Variants in MBD2 observed in about 807,000 individuals in gnomAD.
MBD2 encodes methyl-CpG binding domain protein 2.
MBD2 carries 9 observed loss-of-function variants against 39.3 expected under a neutral mutation model. That is an observed-to-expected ratio of 0.23 (90% CI 0.14 to 0.40). The LOEUF is 0.40. Ranked by LOEUF, MBD2 falls within the 10% of genes least tolerant of loss-of-function variation. The probability of loss-of-function intolerance (pLI) is 1.00; values close to 1 mark genes in which losing one functional copy is unlikely to be tolerated. For synonymous variants in MBD2, 233 were observed against 211.1 expected, an observed-to-expected ratio of 1.10 and a Z score of -0.90; for missense variants, 458 against 532.6, an observed-to-expected ratio of 0.86 and a Z score of 1.38.
At chr18:54,155,605 A>G (rs1247512975) in intron 6 of MBD2, among the ~76,000 whole-genome samples, 1 of 152,232 alleles carries the variant, frequency 6.6e-6, no homozygotes, top group African/African-American at 2.4e-5. Context: ...TAACTACATC[A>G]GCATAAAAAG....
rs536840165 is a variant in MBD2, at chr18:54,188,071, G to A, written c.840+803C>T. On this transcript the variant is annotated intron_variant, in intron 3 of 6. Coordinates refer to ENST00000256429, the MANE Select transcript of MBD2 (RefSeq NM_003927.5). ...GTAAATCAGTGTTTCTAATCCTTAG[G>A]TGGACTCAGGTGGGAGGAGGCAGAG... Among the ~76,000 whole-genome samples the A allele has an allele frequency of 2.0e-3, 297 of 152,228 alleles. 1 individual carries two copies. Among genetic ancestry groups the A allele is most frequent in the Non-Finnish European group, 3.0e-3 (203 of 68,022 alleles).
intron 3 of MBD2, among the ~76,000 whole-genome samples, chr18:54,167,843 A>G (rs1435081595): frequency 6.6e-6 from 1 of 152,096 alleles, no homozygotes. Context: ...AGGTGGAGGT[A>G]ATAATTGATG....
intron 1 of MBD2, among the ~76,000 whole-genome samples, chr18:54,222,947 A>G (rs1201525640): frequency 3.3e-5 from 5 of 152,258 alleles, no homozygotes; most frequent in Non-Finnish European, 7.3e-5. Flanking sequence ...AGCTACTTGA[A>G]GAGGACAGGA....
In MBD2 at chr18:54,159,835, G is replaced by A. The variant is rs749272092; in HGVS notation, c.1178C>T (p.Ser393Leu). 10 of 1,612,668 alleles carry A rather than the reference G, an allele frequency of 6.2e-6. No individual in the cohort carries two copies. The highest frequency in any genetic ancestry group is 2.2e-5 in the East Asian group (1 of 44,870). Reference protein sequence around the residue: ...LEEALMADILSRAADTEEMDI... With the variant: ...LEEALMADILLRAADTEEMDI... ...CATCTCTTCTGTATCAGCAGCTCGC[G>A]ACAAGATGTCTGCCATCAGTGCTTC... The change falls in exon 6 of 7, where the codon TCG becomes TTG. Residue 393 changes from serine to leucine, a missense_variant. By Grantham distance (145) the Ser-to-Leu change is moderately radical (BLOSUM62 -2). This residue lies in a region of MBD2 where 189 missense variants were observed against 296.6 expected (regional missense o/e 0.64). Transcript: ENST00000256429.
chr18:54,220,619 G>T (rs755926447), intron 1 of MBD2, among the ~76,000 whole-genome samples: 18 of 152,178 alleles, frequency 1.2e-4, no homozygotes, highest in Non-Finnish European at 1.9e-4. Flanking sequence ...GAACAATTGG[G>T]TGCAGGTGTT....
At chr18:54,179,460 T>G (rs1003477157) in intron 3 of MBD2, among the ~76,000 whole-genome samples, 28 of 152,164 alleles carry the variant, frequency 1.8e-4, no homozygotes, top group Non-Finnish European at 4.4e-5. Flanking sequence ...CAAAACATCC[T>G]AAACCTAATA....
rs148507257 is a variant in MBD2 at position 54,158,393 on chromosome 18, T to G, written c.*12+1372A>C. Among the ~76,000 whole-genome samples, 34 of 152,280 alleles carry G rather than the reference T, an allele frequency of 2.2e-4. 1 individual carries two copies. Among genetic ancestry groups the G allele is most frequent in the African/African-American group, 7.9e-4 (33 of 41,558 alleles). ...GCTCTGTTGACCCTTGACATCATAT[T>G]AGCACCCCATCCCTCCCTCTGTTTT... On this transcript the variant is annotated intron_variant, in intron 6 of 6. Transcript: ENST00000256429.
rs1055557757 is a variant in MBD2, at chr18:54,215,729, C to T, written c.542+8289G>A. On this transcript the variant is annotated intron_variant, in intron 1 of 6. Coordinates refer to ENST00000256429, the MANE Select transcript of MBD2 (RefSeq NM_003927.5). ...CAGGCTGGTCTCGACCTCCTGACCT[C>T]GTGATCCGCCTGCCTCGGCCTCCCA... 7.9e-5 allele frequency among the ~76,000 whole-genome samples: 12 copies of T among 151,464 alleles called. No homozygotes were observed. The East Asian group carries it at 2.1e-3, about 27-fold the overall frequency.
intron 1 of MBD2, among the ~76,000 whole-genome samples, chr18:54,219,649 C>A (rs1326848423): frequency 6.6e-6 from 1 of 152,196 alleles, no homozygotes; most frequent in Non-Finnish European, 1.5e-5. Flanking sequence ...AGTCAGTTTT[C>A]TAGATACTAC....
At chr18:54,180,659 G>T (rs2086244102) in intron 3 of MBD2, among the ~76,000 whole-genome samples, 1 of 152,038 alleles carries the variant, frequency 6.6e-6, no homozygotes, top group Admixed American at 6.6e-5. Context: ...TAAGAATTAA[G>T]AATAAATGTT....
intron 6 of MBD2, among the ~76,000 whole-genome samples, chr18:54,155,745 C>T (rs973755945): frequency 6.6e-6 from 1 of 152,306 alleles, no homozygotes; most frequent in East Asian, 1.9e-4. Context: ...CACATGAGAG[C>T]ATTTACAGAT....
At chr18:54,223,614 G>T (rs1023029697) in intron 1 of MBD2, among the ~76,000 whole-genome samples, 1 of 152,338 alleles carries the variant, frequency 6.6e-6, no homozygotes. Flanking sequence ...ACTGTAGATA[G>T]CTCATTCTTC....
intron 3 of MBD2, among the ~76,000 whole-genome samples, chr18:54,182,178 T>C (rs1478839306): frequency 6.6e-6 from 1 of 152,252 alleles, no homozygotes; most frequent in East Asian, 1.9e-4. Flanking sequence ...ATGAATAATT[T>C]AATTCACTAA....
intron 6 of MBD2, among the ~76,000 whole-genome samples, chr18:54,157,538 G>A (rs1156753010): frequency 6.6e-6 from 1 of 152,154 alleles, no homozygotes. Context: ...TGGGATTATA[G>A]GCGTGAGCCA....
intron 2 of MBD2, among the ~76,000 whole-genome samples, chr18:54,190,429 T>C (rs626357): frequency 0.038 from 5,821 of 152,200 alleles, 357 homozygotes; most frequent in African/African-American, 0.13. Flanking sequence ...GAGTGCGACC[T>C]GTGATGGGAT....
chr18:54,185,251 A>T (rs1469162825), intron 3 of MBD2, among the ~76,000 whole-genome samples: 1 of 152,198 alleles, frequency 6.6e-6, no homozygotes, highest in East Asian at 1.9e-4. Context: ...TGAAAGGGGA[A>T]TTGGCAAAAT....
chr18:54,216,973 C>T (rs530377506), intron 1 of MBD2, among the ~76,000 whole-genome samples: 1 of 152,270 alleles, frequency 6.6e-6, no homozygotes, highest in South Asian at 2.1e-4. Flanking sequence ...CCTGTAATCC[C>T]GGCTACTTGG....
chr18:54,173,787 T>A (rs928376752), intron 3 of MBD2, among the ~76,000 whole-genome samples: 1 of 152,200 alleles, frequency 6.6e-6, no homozygotes, highest in African/African-American at 2.4e-5. Context: ...GAAACCAGTA[T>A]CACGGGGAGG....
intron 3 of MBD2, among the ~76,000 whole-genome samples, chr18:54,175,035 C>T (rs2086201961): frequency 6.6e-6 from 1 of 152,226 alleles, no homozygotes; most frequent in African/African-American, 2.4e-5. Context: ...CTTATTCTTA[C>T]ATGAAAACTG....
Sources: allele counts gnomAD v4.1 joint callset (sites outside exome capture counted in the v4.1 genomes callset), GRCh38; gene constraint gnomAD v4.1.1; regional missense constraint gnomAD v4.1.1; transcripts MANE v1.5; gene names NCBI Gene and HGNC (gene_info 2026-07-23, HGNC 2026-07-21).